The following AGBL1 variants were observed in gnomAD, a reference collection of about 807,000 sequenced individuals.
The protein encoded by AGBL1 is cytosolic carboxypeptidase 4.
In AGBL1, 130 loss-of-function variants were observed where a neutral mutation model predicts 118.9. The ratio of observed to expected loss-of-function variants is 1.09; its 90% confidence interval spans 0.95 to 1.26. The LOEUF is 1.26. AGBL1 is among the 50% of genes most tolerant of loss of function. The pLI is 0.00. For missense variants in AGBL1, 1,584 were observed against 1,298.1 expected, an observed-to-expected ratio of 1.22 and a Z score of -3.38; for synonymous variants, 555 against 478.9, an observed-to-expected ratio of 1.16 and a Z score of -2.08.
chr15:86,778,998 T>A (rs1250747346), intron 22 of AGBL1, among the ~76,000 whole-genome samples: 1 of 152,242 alleles, frequency 6.6e-6, no homozygotes, highest in Non-Finnish European at 1.5e-5. Flanking sequence ...TCTTCTGCCA[T>A]GGCTTCAGCC....
At chr15:86,191,617 C>A (rs1008878806) in intron 5 of AGBL1, among the ~76,000 whole-genome samples, 3 of 151,900 alleles carry the variant, frequency 2.0e-5, no homozygotes, top group Admixed American at 2.0e-4. Context: ...GAGAGAATGC[C>A]AACCGTTGTG....
intron 23 of AGBL1, among the ~76,000 whole-genome samples, chr15:86,926,799 A>T (rs2080545901): frequency 6.6e-6 from 1 of 152,250 alleles, no homozygotes; most frequent in African/African-American, 2.4e-5. Context: ...TCTATGCATC[A>T]TCAGAGCAGG....
At chr15:86,529,816 A>G (rs1196513550) in intron 19 of AGBL1, among the ~76,000 whole-genome samples, 2 of 151,042 alleles carry the variant, frequency 1.3e-5, no homozygotes, top group African/African-American at 2.5e-5. Context: ...ACATTCTTAA[A>G]GAAAAGAATT....
At chr15:86,330,633 A>C (rs1025503029) in intron 17 of AGBL1, among the ~76,000 whole-genome samples, 5 of 152,236 alleles carry the variant, frequency 3.3e-5, no homozygotes, top group African/African-American at 1.2e-4. Context: ...CTCTAACCAA[A>C]ATGGAAACTC....
intron 20 of AGBL1, among the ~76,000 whole-genome samples, chr15:86,551,856 T>A (rs191749069): frequency 1.3e-5 from 2 of 152,070 alleles, no homozygotes; most frequent in East Asian, 3.9e-4. Flanking sequence ...GAACCTTAAA[T>A]GGATATTACT....
chr15:87,021,392 C>T (rs556029494), intron 24 of AGBL1, among the ~76,000 whole-genome samples: 2 of 151,966 alleles, frequency 1.3e-5, no homozygotes, highest in African/African-American at 4.8e-5. Flanking sequence ...TTATAAAAAC[C>T]CTGAAAGAAA....
At chr15:86,269,512 G>A (rs2079123437) in intron 13 of AGBL1, among the ~76,000 whole-genome samples, 1 of 152,092 alleles carries the variant, frequency 6.6e-6, no homozygotes, top group African/African-American at 2.4e-5. Flanking sequence ...ATAGTAAAAA[G>A]ACTAGAATTG....
chr15:86,545,968 T>G (rs774387758), intron 19 of AGBL1, 34 bp from the exon 20 acceptor site: 2 of 1,603,170 alleles, frequency 1.2e-6, no homozygotes, highest in Non-Finnish European at 1.7e-6. Context: ...TGACCTGACC[T>G]GGTTTTATTT....
chr15:86,785,510 G>A (rs1439600622), intron 22 of AGBL1, among the ~76,000 whole-genome samples: 3 of 151,816 alleles, frequency 2.0e-5, no homozygotes, highest in African/African-American at 7.3e-5. Flanking sequence ...AAGTAGCTAG[G>A]ACTACAGGCG....
chr15:86,797,304 T>A (rs565104265), intron 22 of AGBL1, among the ~76,000 whole-genome samples: 4 of 152,368 alleles, frequency 2.6e-5, no homozygotes, highest in Non-Finnish European at 5.9e-5. Context: ...TGTTCCAGCA[T>A]GACAGATTCC....
chr15:86,973,084 T>C (rs937117332), intron 23 of AGBL1, among the ~76,000 whole-genome samples: 15 of 152,082 alleles, frequency 9.9e-5, no homozygotes, highest in African/African-American at 3.6e-4. Context: ...TTGGCATTTG[T>C]GTAACAGTAG....
At chr15:86,878,091 G>A (rs1349348029) in intron 22 of AGBL1, among the ~76,000 whole-genome samples, 1 of 152,144 alleles carries the variant, frequency 6.6e-6, no homozygotes, top group East Asian at 1.9e-4. Flanking sequence ...GAGTTTAGTA[G>A]CTCAGCGATG....
At chr15:86,604,564 T>C (rs1253743367) in intron 21 of AGBL1, among the ~76,000 whole-genome samples, 1 of 152,200 alleles carries the variant, frequency 6.6e-6, no homozygotes, top group Non-Finnish European at 1.5e-5. Context: ...TTTATCTGCC[T>C]CTTCTTTTCC....
intron 1 of AGBL1, among the ~76,000 whole-genome samples, chr15:86,130,993 A>G (rs961905301): frequency 1.2e-4 from 18 of 152,164 alleles, no homozygotes; most frequent in African/African-American, 3.9e-4. Flanking sequence ...TTTAATGCCA[A>G]TTGATCCCAG....
chr15:86,851,594 G>T (rs1432004198), intron 22 of AGBL1, among the ~76,000 whole-genome samples: 4 of 152,164 alleles, frequency 2.6e-5, no homozygotes, highest in Non-Finnish European at 5.9e-5. Context: ...AATCTGCAAA[G>T]ATTAGTTCTA....
intron 19 of AGBL1, among the ~76,000 whole-genome samples, chr15:86,544,066 A>T (rs1045971315): frequency 6.6e-5 from 10 of 152,192 alleles, no homozygotes; most frequent in African/African-American, 2.4e-4. Context: ...GAGGGAAACA[A>T]ATATTTAGAC....
chr15:86,276,456 G>T (rs974302814), intron 15 of AGBL1, among the ~76,000 whole-genome samples: 2 of 152,208 alleles, frequency 1.3e-5, no homozygotes, highest in South Asian at 4.1e-4. Context: ...GATGTCATTA[G>T]AATTGGAGAT....
intron 17 of AGBL1, among the ~76,000 whole-genome samples, chr15:86,297,419 C>G (rs1313742016): frequency 6.6e-6 from 1 of 152,152 alleles, no homozygotes; most frequent in Non-Finnish European, 1.5e-5. Flanking sequence ...TTAGAAGGGC[C>G]ATGCACTCTG....
intron 21 of AGBL1, among the ~76,000 whole-genome samples, chr15:86,577,213 T>G (rs574045988): frequency 1.3e-5 from 2 of 152,296 alleles, no homozygotes; most frequent in South Asian, 4.1e-4. Flanking sequence ...CACATGGAGA[T>G]GAGGACCTTG....
Sources: gnomAD v4.1 joint callset for allele counts (sites outside exome capture counted in the v4.1 genomes callset) on GRCh38, gnomAD v4.1.1 for gene constraint, MANE v1.5 for transcripts, NCBI Gene and HGNC (gene_info 2026-07-23, HGNC 2026-07-21) for gene names.